Variants in MBNL3 observed in about 807,000 individuals in gnomAD.
MBNL3 encodes the protein muscleblind like splicing regulator 3, also known as muscleblind-like protein 3.
In MBNL3, 6 loss-of-function variants were observed where a neutral mutation model predicts 24.5. The observed-to-expected ratio is 0.25, with a 90% CI of 0.13 to 0.48. The LOEUF (loss-of-function observed/expected upper bound fraction) is 0.48, where lower values mean the gene tolerates loss of function less well. Among genes scored for constraint, MBNL3 ranks in the 20% least tolerant of loss-of-function variants. The probability of loss-of-function intolerance (pLI) is 0.99; values close to 1 mark genes in which losing one functional copy is unlikely to be tolerated. For synonymous variants in MBNL3, 100 were observed against 101.7 expected, an observed-to-expected ratio of 0.98 and a Z score of 0.10; for missense variants, 230 against 293.5, an observed-to-expected ratio of 0.78 and a Z score of 1.58.
At position 132,375,850 on chromosome X, in the gene MBNL3, C is replaced by T. The variant is rs1004353763; in HGVS notation, c.*3816G>A. The T allele has an allele frequency of 1.6e-4, 18 of 111,697 alleles. No individual in the cohort carries two copies. Among genetic ancestry groups the T allele is most frequent in the African/African-American group, 4.5e-4 (14 of 30,789 alleles). 9.2% of individuals were successfully genotyped at this position (111,697 alleles called of 1,213,427 possible). On this transcript the variant is annotated 3_prime_UTR_variant, in exon 9 of 9. Coordinates refer to ENST00000370853, the MANE Select transcript of MBNL3 (RefSeq NM_001386889.1). ...CTTGTGGCTGCATTTTACCTAAGAG[C>T]ATCCTTATCTATACTCTGCAATGAG...
chrX:132,402,348 A>G (rs2148247517), intron 3 of MBNL3, among the ~76,000 whole-genome samples: 1 of 112,185 alleles, frequency 8.9e-6, no homozygotes, highest in Non-Finnish European at 1.9e-5. Flanking sequence ...ACAGCCTGTA[A>G]TATCATATTC....
intron 3 of MBNL3, among the ~76,000 whole-genome samples, chrX:132,404,035 T>C (rs1941389121): frequency 1.8e-5 from 2 of 108,332 alleles, no homozygotes; most frequent in African/African-American, 6.7e-5. Flanking sequence ...CAACTACCCT[T>C]CTACTCTCTG....
At chrX:132,380,772 A>C (rs1426379055) in intron 8 of MBNL3, among the ~76,000 whole-genome samples, 1 of 110,944 alleles carries the variant, frequency 9.0e-6, no homozygotes, top group Non-Finnish European at 1.9e-5. Context: ...TCTTAAGTGA[A>C]TGATTGCTTA....
intron 1 of MBNL3, among the ~76,000 whole-genome samples, chrX:132,449,977 G>GTCCCC (rs1945983755): frequency 3.9e-5 from 1 of 25,460 alleles, no homozygotes; most frequent in Admixed American, 8.0e-4. Flanking sequence ...GCTGAATATT[G>GTCCCC]CCCCCCCCCC....
At chrX:132,430,362 G>T (rs1944636904) in intron 2 of MBNL3, 1 of 111,131 alleles carries the variant, frequency 9.0e-6, no homozygotes, top group African/African-American at 3.3e-5. Context: ...ATTAACACTG[G>T]TACGAGACTC....
intron 2 of MBNL3, among the ~76,000 whole-genome samples, chrX:132,427,513 G>A (rs775028269): frequency 1.2e-4 from 13 of 111,829 alleles, no homozygotes; most frequent in Non-Finnish European, 2.1e-4. Flanking sequence ...AGAACACAGA[G>A]TACATGAAGC....
intron 1 of MBNL3, among the ~76,000 whole-genome samples, chrX:132,441,758 G>A (rs183611931): frequency 6.1e-4 from 68 of 111,684 alleles, no homozygotes; most frequent in Admixed American, 2.7e-3. Flanking sequence ...TATACCCAAA[G>A]TATCTGAAAA....
At chrX:132,457,631 C>T (rs1603261504) in intron 1 of MBNL3, among the ~76,000 whole-genome samples, 1 of 111,222 alleles carries the variant, frequency 9.0e-6, no homozygotes, top group Non-Finnish European at 1.9e-5. Flanking sequence ...TTAAATCTGA[C>T]AGCCATATAA....
At position 132,386,382 on chromosome X, in the gene MBNL3, G is replaced by T. The variant is rs1697016695; in HGVS notation, c.922+279C>A. 1.8e-5 allele frequency among the ~76,000 whole-genome samples: 2 copies of T among 111,776 alleles called. 1 individual carries two copies. The highest frequency in any genetic ancestry group is 1.9e-4 in the Admixed American group (2 of 10,545). ...CCTAAGAGTCAAGGAATTAGTTTGAGACTGAACCAAGTGAATTAATCATAA... is the reference window on the plus strand; with the variant it reads ...CCTAAGAGTCAAGGAATTAGTTTGATACTGAACCAAGTGAATTAATCATAA... On this transcript the variant is annotated intron_variant, in intron 6 of 8. Coordinates refer to ENST00000370853, the MANE Select transcript of MBNL3 (RefSeq NM_001386889.1).
intron 1 of MBNL3, among the ~76,000 whole-genome samples, chrX:132,481,551 CA>C (rs1171884095): frequency 1.8e-5 from 2 of 111,912 alleles, no homozygotes; most frequent in African/African-American, 6.5e-5. Flanking sequence ...TCATCATCAT[CA>C]TCATTGTCAT....
rs755362793 is a variant in MBNL3 at position 132,455,926 on chromosome X, GAAC to G, written c.-703-15615_-703-15613del. Among the ~76,000 whole-genome samples the G allele has an allele frequency of 2.7e-5, 3 of 112,002 alleles. No homozygotes were observed. In the South Asian group the frequency reaches 1.1e-3, roughly 42 times the overall value. ...CGTGACACCCTTGTTCAGTTTCAGA[GAAC>G]AACATCTTCTTTGCACACATGGTTT... On this transcript the variant is annotated intron_variant, in intron 1 of 8. Coordinates refer to ENST00000370853, the MANE Select transcript of MBNL3 (RefSeq NM_001386889.1).
At position 132,386,905 on chromosome X, in the gene MBNL3, C is replaced by T. The variant is rs201764578; in HGVS notation, c.772-94G>A. 293 of 1,008,252 alleles carry T rather than the reference C, an allele frequency of 2.9e-4. 1 individual carries two copies. In the East Asian group the frequency reaches 8.8e-3, roughly 30 times the overall value. The allele number at this position is 1,008,252 out of a possible 1,213,427, so 83.1% of individuals were successfully genotyped here. On this transcript the variant is annotated intron_variant, in intron 5 of 8. Coordinates refer to ENST00000370853, the MANE Select transcript of MBNL3 (RefSeq NM_001386889.1). Reference sequence around the variant, plus strand: ...TCATATAAGGTATTTCCTGGGAATCCTCCGTAAGGGTATGCATTGGGCAAG... The same window carrying T: ...TCATATAAGGTATTTCCTGGGAATCTTCCGTAAGGGTATGCATTGGGCAAG...
In MBNL3 at chrX:132,377,285, A is replaced by G. The variant is rs965889361; in HGVS notation, c.*2381T>C. On this transcript the variant is annotated 3_prime_UTR_variant, in exon 9 of 9. Coordinates refer to ENST00000370853, the MANE Select transcript of MBNL3 (RefSeq NM_001386889.1). Reference sequence around the variant, plus strand: ...GTTCCATACATGATGAATTTCAAAAAGGCATACACTACTTTCTTCTATAGC... The same window carrying G: ...GTTCCATACATGATGAATTTCAAAAGGGCATACACTACTTTCTTCTATAGC... 9.0e-6 allele frequency: 1 copy of G among 111,646 alleles called. No homozygotes were observed. The highest frequency in any genetic ancestry group is 3.3e-5 in the African/African-American group (1 of 30,736). The allele number at this position is 111,646 out of a possible 1,213,427, so 9.2% of individuals were successfully genotyped here.
In MBNL3 at chrX:132,390,887, G is replaced by T. The variant is rs750814062; in HGVS notation, c.731C>A (p.Ala244Glu). 1.7e-6 allele frequency: 2 copies of T among 1,211,372 alleles called. No homozygotes were observed. The highest frequency in any genetic ancestry group is 2.2e-6 in the Non-Finnish European group (2 of 895,294). Reference protein sequence around the residue: ...PPAHLQARLKAAHHQMNHSAA... With the variant: ...PPAHLQARLKEAHHQMNHSAA... ...TGAATGGTTCATCTGATGATGAGCT[G>T]CCTTGAGTCTGGCTTGCAAGTGTGC... Residue 244 changes from alanine (A) to glutamate (E), a missense_variant, in exon 5 of 9, where the codon GCA becomes GAA. Ala to Glu is a moderately radical substitution (Grantham distance 107). Transcript: ENST00000370853.
chrX:132,406,178 T>C, intron 3 of MBNL3, 50 bp downstream of exon 3: 1 of 1,189,868 alleles, frequency 8.4e-7, no homozygotes, highest in South Asian at 1.8e-5. Flanking sequence ...TGCCAGGTTA[T>C]TCCACTGTTG....
rs776960206 is a variant in MBNL3, at chrX:132,420,086, C to T, written c.178-13694G>A. On this transcript the variant is annotated intron_variant, in intron 2 of 8. Coordinates refer to ENST00000370853, the MANE Select transcript of MBNL3 (RefSeq NM_001386889.1). Reference sequence around the variant, plus strand: ...TGTTCTCTGACCTGGGGTTCTTGGCCTCATGGATTCCAAGGAATGGAATCT... The same window carrying T: ...TGTTCTCTGACCTGGGGTTCTTGGCTTCATGGATTCCAAGGAATGGAATCT... Among the ~76,000 whole-genome samples, 10 of 111,193 alleles carry T rather than the reference C, an allele frequency of 9.0e-5. No homozygotes were observed. The East Asian group carries it at 2.6e-3, about 28-fold the overall frequency.
chrX:132,444,139 T>C (rs1945568529), intron 1 of MBNL3, among the ~76,000 whole-genome samples: 1 of 110,227 alleles, frequency 9.1e-6, no homozygotes, highest in Non-Finnish European at 1.9e-5. Context: ...AGATCATGTC[T>C]TGCTCAGCAT....
intron 2 of MBNL3, among the ~76,000 whole-genome samples, chrX:132,414,977 C>T (rs1370992225): frequency 1.8e-5 from 2 of 111,715 alleles, no homozygotes; most frequent in African/African-American, 6.5e-5. Flanking sequence ...TCCCAACACC[C>T]CTTTTCAAAG....
At chrX:132,467,253 G>A (rs1037942923) in intron 1 of MBNL3, among the ~76,000 whole-genome samples, 3 of 111,655 alleles carry the variant, frequency 2.7e-5, no homozygotes, top group African/African-American at 9.8e-5. Context: ...TCTAAAACAC[G>A]ACTAAAAGGC....
Sources: gnomAD v4.1 joint callset for allele counts (sites outside exome capture counted in the v4.1 genomes callset) on GRCh38, gnomAD v4.1.1 for gene constraint, MANE v1.5 for transcripts, NCBI Gene and HGNC (gene_info 2026-07-23, HGNC 2026-07-21) for gene names.